Variants in MS4A13 observed in about 807,000 individuals in gnomAD.
MS4A13 encodes membrane spanning 4-domains A13.
A neutral mutation model predicts 18.4 loss-of-function variants in MS4A13; 21 were observed. The observed-to-expected ratio is 1.14, with a 90% CI of 0.81 to 1.64. MS4A13 has a LOEUF of 1.64. Ranked by LOEUF, MS4A13 falls within the 40% of genes most tolerant of loss-of-function variation. The pLI is 0.00. For synonymous variants in MS4A13, 62 were observed against 57.2 expected, an observed-to-expected ratio of 1.08 and a Z score of -0.38; for missense variants, 173 against 176.8, an observed-to-expected ratio of 0.98 and a Z score of 0.12.
chr11:60,529,684 T>C (rs1477002173), intron 6 of MS4A13, among the ~76,000 whole-genome samples: 2 of 152,224 alleles, frequency 1.3e-5, no homozygotes, highest in East Asian at 3.9e-4. Context: ...GAGTAAAAAG[T>C]GATTTTTCTT....
chr11:60,530,017 T>G (rs2086753104), intron 6 of MS4A13, among the ~76,000 whole-genome samples: 1 of 152,368 alleles, frequency 6.6e-6, no homozygotes, highest in Non-Finnish European at 1.5e-5. Context: ...CTTTAGGTGT[T>G]TGATTCCTAG....
At chr11:60,542,060 A>C (rs1400599385) in intron 6 of MS4A13, among the ~76,000 whole-genome samples, 2 of 151,166 alleles carry the variant, frequency 1.3e-5, no homozygotes, top group Non-Finnish European at 2.9e-5. Context: ...GTGAGCCGAG[A>C]TCGCACCACT....
chr11:60,531,855 C>CAG (rs1565214260), intron 6 of MS4A13, among the ~76,000 whole-genome samples: 1 of 152,044 alleles, frequency 6.6e-6, no homozygotes, highest in East Asian at 1.9e-4. Flanking sequence ...ACTTCATTGC[C>CAG]AGTTAAAAGA....
chr11:60,541,041 T>C (rs1364755926), intron 6 of MS4A13, among the ~76,000 whole-genome samples: 1 of 151,986 alleles, frequency 6.6e-6, no homozygotes, highest in African/African-American at 2.4e-5. Flanking sequence ...AATCTATTCA[T>C]TGTAATAATA....
At chr11:60,527,361 CG>C (rs1221187866) in intron 5 of MS4A13, among the ~76,000 whole-genome samples, 2 of 77,054 alleles carry the variant, frequency 2.6e-5, no homozygotes, top group Non-Finnish European at 4.7e-5. Context: ...TCATTCATTC[CG>C]TCTCTCTCTC....
rs764113465 is a variant in MS4A13, at chr11:60,529,472, C to T, written c.402+12C>T. The T allele has an allele frequency of 6.0e-6, 9 of 1,496,906 alleles. No homozygotes were observed. The South Asian group carries it at 9.9e-5, about 16-fold the overall frequency. 92.7% of individuals were successfully genotyped at this position (1,496,906 alleles called of 1,614,324 possible). A position where few individuals can be genotyped will look rare whatever the true frequency, so the allele number is the denominator to read the frequency against. ...GCTGTTCCAATTTGGTAAGTGTTTA[C>T]CCACTCTCTGGCAAATCAAAAGATG... On this transcript the variant is annotated intron_variant, in intron 6 of 6. Coordinates refer to ENST00000378186, the MANE Select transcript of MS4A13 (RefSeq NM_001012417.3).
downstream of MS4A13, among the ~76,000 whole-genome samples, chr11:60,543,229 G>C (rs2086874723): frequency 6.6e-6 from 1 of 152,060 alleles, no homozygotes; most frequent in Admixed American, 6.6e-5. Context: ...TCTAGAAATC[G>C]GTTCTGAATT....
At chr11:60,541,798 A>AGG (rs2086860957) in intron 6 of MS4A13, among the ~76,000 whole-genome samples, 1 of 152,102 alleles carries the variant, frequency 6.6e-6, no homozygotes. Context: ...TCCAACAGAA[A>AGG]TTAAGAAAGT....
chr11:60,542,774 T>A (rs2086871821), downstream of MS4A13: 1 of 430,452 alleles, frequency 2.3e-6, no homozygotes, highest in South Asian at 4.7e-5. Flanking sequence ...CCTATTTAAA[T>A]ATGAGATTAT....
rs761681196 is a variant in MS4A13, at chr11:60,523,935, G to T, written c.168G>T (p.Lys56Asn). The T allele has an allele frequency of 1.3e-6, 2 of 1,547,474 alleles. No individual in the cohort carries two copies. The highest frequency in any genetic ancestry group is 1.8e-6 in the Non-Finnish European group (2 of 1,119,860). Residue 56 changes from lysine to asparagine, a missense_variant, in exon 4 of 7, where the codon AAG becomes AAT. Physicochemically the swap from Lys to Asn is moderately conservative, Grantham distance 94. Transcript: ENST00000378186. ...GAGTCTTCCTAATAAGAGTAACAAA[G>T]TATCCGACTCGATCTGGAGTAAGTT... ...IAGVFLIRVTKYPTRSGIIST... is the reference protein window; with the variant it reads ...IAGVFLIRVTNYPTRSGIIST...
chr11:60,542,764 C>T (rs2135276583), downstream of MS4A13: 2 of 441,428 alleles, frequency 4.5e-6, no homozygotes, highest in Non-Finnish European at 8.2e-6. Context: ...AAAGTTTTTC[C>T]CTATTTAAAT....
intron 5 of MS4A13, among the ~76,000 whole-genome samples, chr11:60,526,225 A>T (rs897039450): frequency 2.0e-5 from 3 of 152,226 alleles, no homozygotes. Context: ...ATTATCTGTA[A>T]CAAGTGATTA....
chr11:60,521,061 G>C (rs1369417950), intron 3 of MS4A13, among the ~76,000 whole-genome samples: 1 of 152,228 alleles, frequency 6.6e-6, no homozygotes, highest in Non-Finnish European at 1.5e-5. Flanking sequence ...CATGGCCCAA[G>C]CTCTACATTG....
At chr11:60,527,410 C>CTCTCTGTGTG (rs1555024373) in intron 5 of MS4A13, among the ~76,000 whole-genome samples, 2 of 28,806 alleles carry the variant, frequency 6.9e-5, no homozygotes, top group African/African-American at 3.2e-4. Flanking sequence ...CTCTCTCTCT[C>CTCTCTGTGTG]TGTGTGTGTG....
intron 6 of MS4A13, among the ~76,000 whole-genome samples, chr11:60,532,135 A>G (rs1182821390): frequency 6.6e-6 from 1 of 152,234 alleles, no homozygotes; most frequent in Non-Finnish European, 1.5e-5. Flanking sequence ...TAACAAAGAA[A>G]GGCTTCAAAA....
chr11:60,523,838 T>C (rs2086693991), intron 3 of MS4A13, 59 bp from the exon 4 acceptor site: 1 of 962,876 alleles, frequency 1.0e-6, no homozygotes, highest in African/African-American at 1.6e-5. Context: ...TTATTAAAAG[T>C]ACATTCTAAA....
Position 60,531,343 on chromosome 11 carries a change from A to G in MS4A13, c.402+1883A>G, listed in dbSNP as rs545034050. ...TCAACAGAGAAATTTGAAGAACAGGACAGCCACAGTGGACCTTGATAACTT... is the reference window on the plus strand; with the variant it reads ...TCAACAGAGAAATTTGAAGAACAGGGCAGCCACAGTGGACCTTGATAACTT... On this transcript the variant is annotated intron_variant, in intron 6 of 6. Coordinates refer to ENST00000378186, the MANE Select transcript of MS4A13 (RefSeq NM_001012417.3). Among the ~76,000 whole-genome samples, 8 of 152,324 alleles carry G rather than the reference A, an allele frequency of 5.3e-5. No individual in the cohort carries two copies. The East Asian group carries it at 1.5e-3, about 29-fold the overall frequency.
intron 6 of MS4A13, among the ~76,000 whole-genome samples, chr11:60,531,968 T>C (rs1251415921): frequency 6.6e-6 from 1 of 152,122 alleles, no homozygotes; most frequent in Non-Finnish European, 1.5e-5. Context: ...TCCTGGGAAA[T>C]GAGGCAATCA....
chr11:60,518,262 A>T (rs756435517), intron 3 of MS4A13, 50 bp downstream of exon 3: 1 of 1,462,240 alleles, frequency 6.8e-7, no homozygotes, highest in Admixed American at 2.0e-5. Context: ...AATAATATTC[A>T]TGCCAATAGT....
Sources: allele counts gnomAD v4.1 joint callset (sites outside exome capture counted in the v4.1 genomes callset), GRCh38; gene constraint gnomAD v4.1.1; transcripts MANE v1.5; gene names NCBI Gene and HGNC (gene_info 2026-07-23, HGNC 2026-07-21).